Variants in MTMR7 observed in about 807,000 individuals in gnomAD.
MTMR7 encodes phosphatidylinositol-3-phosphate phosphatase MTMR7.
A neutral mutation model predicts 81.2 loss-of-function variants in MTMR7; 76 were observed. That is an observed-to-expected ratio of 0.94 (90% confidence interval 0.78 to 1.13). MTMR7 has a LOEUF of 1.13. Ranked by LOEUF, MTMR7 falls within the 50% of genes most tolerant of loss-of-function variation. The probability of loss-of-function intolerance (pLI) is 0.00; values close to 1 mark genes in which losing one functional copy is unlikely to be tolerated. For synonymous variants in MTMR7, 372 were observed against 289.8 expected (o/e 1.28, Z -2.88); for missense variants, 1,044 against 820.0 (o/e 1.27, Z -3.34).
At chr8:17,406,043 T>G (rs1418576054) in intron 1 of MTMR7, among the ~76,000 whole-genome samples, 2 of 152,190 alleles carry the variant, frequency 1.3e-5, no homozygotes, top group Non-Finnish European at 2.9e-5. Flanking sequence ...TCTGCTCCTT[T>G]GAACTAAATT....
intron 1 of MTMR7, among the ~76,000 whole-genome samples, chr8:17,404,161 C>A (rs770355652): frequency 6.6e-6 from 1 of 151,882 alleles, no homozygotes; most frequent in Non-Finnish European, 1.5e-5. Flanking sequence ...GGAAAGGGGA[C>A]CAGGCAAGAG....
intron 4 of MTMR7, among the ~76,000 whole-genome samples, chr8:17,357,980 A>G (rs1819946858): frequency 6.6e-6 from 1 of 152,190 alleles, no homozygotes. Flanking sequence ...AGTGGAGGAA[A>G]AGCAATAGGG....
chr8:17,372,770 G>A (rs1206454436), intron 2 of MTMR7, among the ~76,000 whole-genome samples: 1 of 152,116 alleles, frequency 6.6e-6, no homozygotes, highest in Non-Finnish European at 1.5e-5. Flanking sequence ...ACAGGACCCT[G>A]CAAATAGAGA....
At chr8:17,354,217 G>A (rs1299388162) in intron 4 of MTMR7, among the ~76,000 whole-genome samples, 1 of 152,090 alleles carries the variant, frequency 6.6e-6, no homozygotes, top group African/African-American at 2.4e-5. Context: ...TGATGAACAG[G>A]GAGAAGGAGG....
At chr8:17,409,035 T>C (rs1185893000) in intron 1 of MTMR7, among the ~76,000 whole-genome samples, 1 of 152,208 alleles carries the variant, frequency 6.6e-6, no homozygotes, top group Non-Finnish European at 1.5e-5. Context: ...ATCTCACATA[T>C]TATGTCAGAT....
At chr8:17,317,111 A>G (rs992499474) in intron 7 of MTMR7, among the ~76,000 whole-genome samples, 2 of 152,096 alleles carry the variant, frequency 1.3e-5, no homozygotes, top group Non-Finnish European at 2.9e-5. Context: ...CAGACTTTTT[A>G]GAATTTGCTT....
intron 3 of MTMR7, among the ~76,000 whole-genome samples, chr8:17,366,626 C>T (rs978660044): frequency 1.3e-5 from 2 of 152,106 alleles, no homozygotes; most frequent in Non-Finnish European, 2.9e-5. Flanking sequence ...GTGGCTCACG[C>T]CTGTAATCCC....
intron 7 of MTMR7, among the ~76,000 whole-genome samples, chr8:17,320,809 T>C (rs770787458): frequency 2.0e-5 from 3 of 152,158 alleles, no homozygotes; most frequent in Non-Finnish European, 4.4e-5. Flanking sequence ...GTGGAAAGCA[T>C]GGCAAATTCC....
In MTMR7 at chr8:17,331,109, C is replaced by A. The variant is rs538746203; in HGVS notation, c.865+41G>T. 149 of 1,585,556 alleles carry A rather than the reference C, an allele frequency of 9.4e-5. 2 individuals are homozygous for A. The South Asian group carries it at 1.6e-3, about 17-fold the overall frequency. Reference sequence around the variant, plus strand: ...CTTATTCCCTTTTGGCATCAAAATACTTAACTGCATTTTAATGCTGTGCAT... The same window carrying A: ...CTTATTCCCTTTTGGCATCAAAATAATTAACTGCATTTTAATGCTGTGCAT... On this transcript the variant is annotated intron_variant, in intron 7 of 13. Transcript: ENST00000180173.
rs534490871 is a variant in MTMR7 at position 17,395,355 on chromosome 8, T to C, written c.24+17914A>G. Among the ~76,000 whole-genome samples the C allele has an allele frequency of 2.5e-4, 38 of 152,334 alleles. No homozygotes were observed. In the South Asian group the frequency reaches 7.3e-3, roughly 29 times the overall value. ...TTGGATTGTTCCCACCATTTGGCTATTGTGAATAATGCAGCTATGAACATG... is the reference window on the plus strand; with the variant it reads ...TTGGATTGTTCCCACCATTTGGCTACTGTGAATAATGCAGCTATGAACATG... On this transcript the variant is annotated intron_variant, in intron 1 of 13. Transcript: ENST00000180173.
At chr8:17,310,777 C>T (rs1322301236) in intron 9 of MTMR7, among the ~76,000 whole-genome samples, 1 of 152,144 alleles carries the variant, frequency 6.6e-6, no homozygotes, top group African/African-American at 2.4e-5. Context: ...TCCATTAGGA[C>T]TCCTTTGTCA....
chr8:17,376,623 T>C (rs73666128), intron 1 of MTMR7, among the ~76,000 whole-genome samples: 4,530 of 152,282 alleles, frequency 0.03, 239 homozygotes, highest in African/African-American at 0.1. Flanking sequence ...TTTTTGATTA[T>C]AGTCATCCTA....
intron 1 of MTMR7, among the ~76,000 whole-genome samples, chr8:17,402,228 C>G (rs1258663239): frequency 6.6e-6 from 1 of 152,026 alleles, no homozygotes; most frequent in Non-Finnish European, 1.5e-5. Context: ...AACGTTTATT[C>G]TTTGTGTTAC....
rs143791617 is a variant in MTMR7 at position 17,330,193 on chromosome 8, C to T, written c.865+957G>A. On this transcript the variant is annotated intron_variant, in intron 7 of 13. Coordinates refer to ENST00000180173, the MANE Select transcript of MTMR7 (RefSeq NM_004686.5). ...TAGGGTGTTCTGATTAAACGAAGAA[C>T]GGCTTAAGTAACTGAGAGCAAACGT... 4.1e-3 allele frequency among the ~76,000 whole-genome samples: 626 copies of T among 152,324 alleles called. 4 individuals carry two copies. Among genetic ancestry groups the T allele is most frequent in the African/African-American group, 0.014 (588 of 41,570 alleles).
intron 10 of MTMR7, among the ~76,000 whole-genome samples, chr8:17,307,603 A>G (rs1817537951): frequency 6.6e-6 from 1 of 152,240 alleles, no homozygotes; most frequent in African/African-American, 2.4e-5. Context: ...TTATAGCGGC[A>G]CTATTCACAA....
intron 12 of MTMR7, among the ~76,000 whole-genome samples, chr8:17,303,091 G>C (rs1817234392): frequency 6.6e-6 from 1 of 152,132 alleles, no homozygotes; most frequent in African/African-American, 2.4e-5. Context: ...GTTACCCTTA[G>C]AACCACTATT....
chr8:17,335,984 G>A (rs1038268029), intron 6 of MTMR7, among the ~76,000 whole-genome samples: 1 of 152,154 alleles, frequency 6.6e-6, no homozygotes, highest in Non-Finnish European at 1.5e-5. Context: ...GGGAGGATGG[G>A]TGCAGAGGAG....
At chr8:17,337,462 C>T (rs888823522) in intron 6 of MTMR7, among the ~76,000 whole-genome samples, 1 of 152,036 alleles carries the variant, frequency 6.6e-6, no homozygotes, top group African/African-American at 2.4e-5. Context: ...AGTGAGTTAG[C>T]CCTCATTTGA....
chr8:17,405,906 T>G (rs1327839360), intron 1 of MTMR7, among the ~76,000 whole-genome samples: 1 of 151,506 alleles, frequency 6.6e-6, no homozygotes, highest in African/African-American at 2.4e-5. Context: ...ATGATTTTCT[T>G]TTAAATTACA....
Sources: allele counts gnomAD v4.1 joint callset (sites outside exome capture counted in the v4.1 genomes callset), GRCh38; gene constraint gnomAD v4.1.1; transcripts MANE v1.5; gene names NCBI Gene and HGNC (gene_info 2026-07-23, HGNC 2026-07-21).